Variants in TRPM2 observed in about 807,000 individuals in gnomAD.
The protein encoded by TRPM2 is transient receptor potential cation channel subfamily M member 2, also known as estrogen-responsive element-associated gene 1 protein.
TRPM2 carries 161 observed loss-of-function variants against 174.0 expected under a neutral mutation model. The observed-to-expected ratio is 0.93, with a 90% CI of 0.81 to 1.05. The LOEUF is 1.05. TRPM2 is among the 50% of genes least tolerant of loss of function. TRPM2 has a pLI of 0.00. For synonymous variants in TRPM2, 954 were observed against 861.3 expected, an observed-to-expected ratio of 1.11 and a Z score of -1.88; for missense variants, 2,057 against 2,038.0, an observed-to-expected ratio of 1.01 and a Z score of -0.18.
chr21:44,409,231 G>T (rs904788378), intron 19 of TRPM2, among the ~76,000 whole-genome samples: 2 of 152,132 alleles, frequency 1.3e-5, no homozygotes, highest in Non-Finnish European at 2.9e-5. Flanking sequence ...TTATGCCTGT[G>T]TTCTACTAAG....
At chr21:44,398,040 G>A (rs138714508) in intron 13 of TRPM2, among the ~76,000 whole-genome samples, 164 bp downstream of exon 13, 109 of 152,256 alleles carry the variant, frequency 7.2e-4, no homozygotes, top group African/African-American at 7.5e-4. Flanking sequence ...CCGGAGTCTC[G>A]GCCCTGTAAC....
rs2051062592 is a variant in TRPM2 at position 44,432,548 on chromosome 21, T to C, written c.3975-2583T>C. ...CCAGTGCATCTTTGTGCTAGACCCA[T>C]CTCCCATTGCCTTTCAAGGACCTCA... On this transcript the variant is annotated intron_variant, in intron 27 of 31. Transcript: ENST00000397928. This position sits in a 1 kb window ranked among gnomAD's most constrained non-coding sequence, Gnocchi z 4.9. Among the ~76,000 whole-genome samples, 1 of 152,114 alleles carries C rather than the reference T, an allele frequency of 6.6e-6. No individual in the cohort carries two copies. The highest frequency in any genetic ancestry group is 6.5e-5 in the Admixed American group (1 of 15,274).
Position 44,432,295 on chromosome 21 carries a change from GC to G in TRPM2, c.3975-2833del, listed in dbSNP as rs957848769. ...TCTCCAGCTCCTGGTGTTCCTGGCA[GC>G]CCTTCGTGTTCCTTGGCTTGTGATC... On this transcript the variant is annotated intron_variant, in intron 27 of 31. Coordinates refer to ENST00000397928, the MANE Select transcript of TRPM2 (RefSeq NM_003307.4). The surrounding 1 kb of genome is among the most constrained non-coding windows in gnomAD (Gnocchi z 4.9). 3.9e-5 allele frequency among the ~76,000 whole-genome samples: 6 copies of G among 152,190 alleles called. No individual in the cohort carries two copies. Among genetic ancestry groups the G allele is most frequent in the African/African-American group, 1.4e-4 (6 of 41,454 alleles).
chr21:44,396,470 GGGGTGTGGA>G (rs573784342), intron 12 of TRPM2, among the ~76,000 whole-genome samples: 19 of 24,614 alleles, frequency 7.7e-4, no homozygotes, highest in East Asian at 1.3e-3. Context: ...GGGGTGTGGA[GGGGTGTGGA>G]GGCTGTGGAG....
At chr21:44,403,770 T>C (rs2146288612) in intron 16 of TRPM2, among the ~76,000 whole-genome samples, 1 of 149,866 alleles carries the variant, frequency 6.7e-6, no homozygotes, top group Admixed American at 6.6e-5. Context: ...CATACACATA[T>C]ACATGCATGC....
At position 44,441,830 on chromosome 21, in the gene TRPM2, G is replaced by T. The variant is rs772034733; in HGVS notation, c.*13G>T. On this transcript the variant is annotated 3_prime_UTR_variant, in exon 32 of 32. Coordinates refer to ENST00000397928, the MANE Select transcript of TRPM2 (RefSeq NM_003307.4). ...GGCTCACTACTGACTGTGCCCTCAG[G>T]CTGGGCGGCTCCAGTCCATAGACGT... 3 of 1,594,888 alleles carry T rather than the reference G, an allele frequency of 1.9e-6. No individual in the cohort carries two copies. Among genetic ancestry groups the T allele is most frequent in the East Asian group, 4.5e-5 (2 of 44,138 alleles).
chr21:44,429,272 CTTTTTCTTTTT>C (rs2050942439), intron 27 of TRPM2, among the ~76,000 whole-genome samples: 1 of 62,342 alleles, frequency 1.6e-5, no homozygotes, highest in East Asian at 5.0e-4. Flanking sequence ...ACATTTTTTT[CTTTTTCTTTTT>C]TTTTTTTTTT....
At chr21:44,434,901 C>A (rs2146409451) in intron 27 of TRPM2, among the ~76,000 whole-genome samples, 1 of 152,248 alleles carries the variant, frequency 6.6e-6, no homozygotes, top group East Asian at 1.9e-4. Context: ...CCCAGGGAGA[C>A]CCTTCCCCCA....
intron 16 of TRPM2, among the ~76,000 whole-genome samples, chr21:44,404,631 A>G (rs1356095189): frequency 6.6e-6 from 1 of 152,206 alleles, no homozygotes; most frequent in Non-Finnish European, 1.5e-5. Context: ...TAGTGATGAT[A>G]GTGACAGTGA....
At chr21:44,357,999 T>A (rs1258554875) in intron 2 of TRPM2, among the ~76,000 whole-genome samples, 1 of 151,944 alleles carries the variant, frequency 6.6e-6, no homozygotes, top group Non-Finnish European at 1.5e-5. Context: ...GCGGAACGAG[T>A]GGTGAGCATC....
Position 44,401,796 on chromosome 21 carries a change from T to A in TRPM2, c.2437T>A (p.Phe813Ile). ...CTCCTACTTCGCCTTCCTCTGCCTG[T>A]TCGCCTACGTGCTCATGGTGGACTT... ...ILSYFAFLCL[F>I]AYVLMVDFQP... The change falls in exon 16 of 32, where the codon TTC (phenylalanine) becomes ATC (isoleucine). Residue 813 changes from phenylalanine (F) to isoleucine (I), a missense_variant. Coordinates refer to ENST00000397928, the MANE Select transcript of TRPM2 (RefSeq NM_003307.4). 1 of 1,613,896 alleles carries A rather than the reference T, an allele frequency of 6.2e-7. No homozygotes were observed. The highest frequency in any genetic ancestry group is 8.5e-7 in the Non-Finnish European group (1 of 1,180,012).
Position 44,367,356 on chromosome 21 carries a change from C to T in TRPM2, c.604+422C>T, listed in dbSNP as rs1016185406. Among the ~76,000 whole-genome samples the T allele has an allele frequency of 2.6e-5, 4 of 152,152 alleles. No individual in the cohort carries two copies. Among genetic ancestry groups the T allele is most frequent in the Admixed American group, 6.5e-5 (1 of 15,284 alleles). ...CTGCAGGCCATTTGTAGGGGGTCAG[C>T]GAGAGTTCCCAGTCATCAAGCTTTC... On this transcript the variant is annotated intron_variant, in intron 4 of 31. Coordinates refer to ENST00000397928, the MANE Select transcript of TRPM2 (RefSeq NM_003307.4). This position sits in a 1 kb window ranked among gnomAD's most constrained non-coding sequence, Gnocchi z 4.6.
At chr21:44,423,329 T>A in intron 22 of TRPM2, 1 of 365,668 alleles carries the variant, frequency 2.7e-6, no homozygotes, top group Non-Finnish European at 5.2e-6. Flanking sequence ...CCAGAGGAAG[T>A]TTCATTGTTT....
Position 44,371,620 on chromosome 21 carries a change from G to T in TRPM2, c.771+2277G>T, listed in dbSNP as rs573323824. On this transcript the variant is annotated intron_variant, in intron 5 of 31. Transcript: ENST00000397928. ...TCCGTAAGAACACTCGTGATGGCGT[G>T]TAGGTCCCACTAGGGTCATCTAGGG... Among the ~76,000 whole-genome samples, 3 of 152,348 alleles carry T rather than the reference G, an allele frequency of 2.0e-5. No individual in the cohort carries two copies. In the South Asian group the frequency reaches 6.2e-4, roughly 32 times the overall value.
At chr21:44,426,475 C>A (rs551103071) in intron 25 of TRPM2, among the ~76,000 whole-genome samples, 185 bp from the exon 26 acceptor site, 1 of 152,238 alleles carries the variant, frequency 6.6e-6, no homozygotes, top group South Asian at 2.1e-4. Flanking sequence ...GATCCCAGCC[C>A]CCGGCCCTGC....
intron 24 of TRPM2, 95 bp downstream of exon 24, chr21:44,425,034 C>A: frequency 8.6e-7 from 1 of 1,158,822 alleles, no homozygotes; most frequent in Non-Finnish European, 1.2e-6. Context: ...GGGTGGGGGG[C>A]TCTGTCCAGG....
At position 44,377,743 on chromosome 21, in the gene TRPM2, G is replaced by C. The variant is rs749284819; in HGVS notation, c.984G>C (p.Val328=). The C allele has an allele frequency of 6.2e-7, 1 of 1,614,216 alleles. No individual in the cohort carries two copies. The highest frequency in any genetic ancestry group is 1.1e-5 in the South Asian group (1 of 91,088). The change falls in exon 7 of 32, where the codon GTG becomes GTC. Residue 328 remains valine, a synonymous_variant. Coordinates refer to ENST00000397928, the MANE Select transcript of TRPM2 (RefSeq NM_003307.4). ...GVAIKIPIVC[V]VLEGGPGTLH... ...CCATCAAGATCCCCATCGTGTGCGT[G>C]GTGCTGGAGGGCGGCCCGGGCACGT...
Position 44,430,417 on chromosome 21 carries a change from CTTTTTTTTT to C in TRPM2, c.3974+3321_3974+3329del, listed in dbSNP as rs1192354581. Among the ~76,000 whole-genome samples, 47 of 43,568 alleles carry C rather than the reference CTTTTTTTTT, an allele frequency of 1.1e-3. 18 individuals are homozygous for C. Among genetic ancestry groups the C allele is most frequent in the Middle Eastern group, 0.017 (1 of 60 alleles). The allele number at this position is 43,568 out of a possible 152,430, so 28.6% of individuals were successfully genotyped here. ...TAACATATTTTGAGCAAGTGGATTTCTTTTTTTTTTTTTTTTTTTTTTTGAGACGGAGTC... is the reference window on the plus strand; with the variant it reads ...TAACATATTTTGAGCAAGTGGATTTCTTTTTTTTTTTTTTGAGACGGAGTC... On this transcript the variant is annotated intron_variant, in intron 27 of 31. Transcript: ENST00000397928.
intron 19 of TRPM2, among the ~76,000 whole-genome samples, chr21:44,413,181 G>A (rs1004181059): frequency 1.2e-4 from 17 of 147,730 alleles, no homozygotes; most frequent in Non-Finnish European, 1.8e-4. Flanking sequence ...ACATCTCCAC[G>A]TCTCCCTTCT....
Sources: allele counts gnomAD v4.1 joint callset (sites outside exome capture counted in the v4.1 genomes callset), GRCh38; gene constraint gnomAD v4.1.1; non-coding constraint Gnocchi (gnomAD v3.1); transcripts MANE v1.5; gene names NCBI Gene and HGNC (gene_info 2026-07-23, HGNC 2026-07-21).